The following DYM variants were observed in gnomAD, a reference collection of about 807,000 sequenced individuals.
DYM encodes dymeclin.
Under a neutral mutation model 93.1 loss-of-function variants are expected in DYM, and 78 were observed. The observed-to-expected ratio is 0.84, with a 90% CI of 0.70 to 1.01. DYM has a LOEUF of 1.01. DYM is among the 50% of genes least tolerant of loss of function. The pLI is 0.00. For missense variants in DYM, 789 were observed against 845.0 expected (o/e 0.93, Z 0.82); for synonymous variants, 321 against 319.7 (o/e 1.00, Z -0.04).
At chr18:49,162,655 C>T (rs1229785796) in intron 15 of DYM, among the ~76,000 whole-genome samples, 1 of 152,266 alleles carries the variant, frequency 6.6e-6, no homozygotes, top group East Asian at 1.9e-4. Flanking sequence ...ATAAACTCTT[C>T]GTCATTAAGG....
chr18:49,124,508 CAA>C (rs5824778), intron 15 of DYM, among the ~76,000 whole-genome samples: 477 of 131,730 alleles, frequency 3.6e-3, no homozygotes, highest in Middle Eastern at 7.6e-3. Flanking sequence ...GACCCTGTCT[CAA>C]AAAAAAAAAA....
At chr18:49,073,529 A>G (rs1007676296) in intron 17 of DYM, among the ~76,000 whole-genome samples, 4 of 152,220 alleles carry the variant, frequency 2.6e-5, no homozygotes, top group African/African-American at 9.7e-5. Flanking sequence ...CAGGCCCTCA[A>G]TTAGAAAAAA....
intron 11 of DYM, among the ~76,000 whole-genome samples, chr18:49,262,005 T>C (rs1191212274): frequency 6.6e-6 from 1 of 152,226 alleles, no homozygotes; most frequent in African/African-American, 2.4e-5. Flanking sequence ...TTAGAATGAA[T>C]GGTTTCCCCC....
chr18:49,251,830 T>C (rs1305548889), intron 13 of DYM, among the ~76,000 whole-genome samples: 5 of 152,240 alleles, frequency 3.3e-5, no homozygotes, highest in Admixed American at 6.5e-5. Flanking sequence ...ATCCTCTACA[T>C]TGTACTGTCT....
chr18:49,168,473 G>A (rs945459414), intron 14 of DYM, among the ~76,000 whole-genome samples: 3 of 152,172 alleles, frequency 2.0e-5, no homozygotes, highest in Non-Finnish European at 2.9e-5. Flanking sequence ...ACGGGAACAC[G>A]CTGAGAAAAT....
chr18:49,372,396 T>C (rs1338672301), intron 5 of DYM, among the ~76,000 whole-genome samples: 1 of 152,220 alleles, frequency 6.6e-6, no homozygotes, highest in Non-Finnish European at 1.5e-5. Flanking sequence ...TTAAAAGATA[T>C]TCATTGGACT....
At chr18:49,140,966 A>G (rs1715529167) in intron 15 of DYM, among the ~76,000 whole-genome samples, 1 of 152,152 alleles carries the variant, frequency 6.6e-6, no homozygotes, top group Non-Finnish European at 1.5e-5. Flanking sequence ...TCAATCTTCC[A>G]TGTATAGTTG....
At position 49,457,878 on chromosome 18, in the gene DYM, C is replaced by G. The variant is rs187389620; in HGVS notation, c.-54+2520G>C. ...AGAGACTTGAGGATGGAAGTATGAT[C>G]AGAGAGATGCAACACTGGTGGCTTT... On this transcript the variant is annotated intron_variant, in intron 1 of 17. Coordinates refer to ENST00000675505, the MANE Select transcript of DYM (RefSeq NM_001353214.3). Among the ~76,000 whole-genome samples, 196 of 152,282 alleles carry G rather than the reference C, an allele frequency of 1.3e-3. 2 individuals carry two copies. Among genetic ancestry groups the G allele is most frequent in the Non-Finnish European group, 1.1e-3 (77 of 68,016 alleles).
intron 11 of DYM, among the ~76,000 whole-genome samples, chr18:49,269,548 CAG>C (rs1221340939): frequency 6.6e-6 from 1 of 152,164 alleles, no homozygotes; most frequent in African/African-American, 2.4e-5. Context: ...CAGACACAGC[CAG>C]AGAGTCCGTC....
intron 14 of DYM, among the ~76,000 whole-genome samples, chr18:49,200,093 C>T (rs77827031): frequency 6.6e-6 from 1 of 151,992 alleles, no homozygotes; most frequent in Non-Finnish European, 1.5e-5. Context: ...TCCTGTAAAC[C>T]ACCGCAGTTC....
At chr18:49,044,328 G>T in intron 17 of DYM, 124 bp from the exon 18 acceptor site, 3 of 997,778 alleles carry the variant, frequency 3.0e-6, no homozygotes, top group South Asian at 1.3e-5. Flanking sequence ...TGGTCACAGG[G>T]CATGAAAGCT....
chr18:49,219,589 A>C (rs2093253333), intron 13 of DYM, among the ~76,000 whole-genome samples: 1 of 152,184 alleles, frequency 6.6e-6, no homozygotes, highest in Non-Finnish European at 1.5e-5. Flanking sequence ...CTAGGATGCA[A>C]GGCTGGTTCA....
At chr18:49,399,859 C>A (rs962333914) in intron 2 of DYM, among the ~76,000 whole-genome samples, 1 of 151,998 alleles carries the variant, frequency 6.6e-6, no homozygotes, top group African/African-American at 2.4e-5. Flanking sequence ...AGTCTCCAGC[C>A]CTCAAGGCAA....
chr18:49,088,550 TAA>T (rs200912955), intron 17 of DYM, among the ~76,000 whole-genome samples: 64 of 106,800 alleles, frequency 6.0e-4, no homozygotes, highest in Admixed American at 6.6e-4. Context: ...CCCTAGAACT[TAA>T]AAAAAAAAAA....
chr18:49,075,176 C>T (rs1168184143), intron 17 of DYM, among the ~76,000 whole-genome samples: 1 of 152,146 alleles, frequency 6.6e-6, no homozygotes, highest in Non-Finnish European at 1.5e-5. Context: ...CTAAGGACCT[C>T]AAGTACTTAT....
At chr18:49,336,774 A>G (rs111594396) in intron 6 of DYM, among the ~76,000 whole-genome samples, 13 of 152,214 alleles carry the variant, frequency 8.5e-5, no homozygotes, top group African/African-American at 2.7e-4. Context: ...GAAAAATCAA[A>G]TAATAATCAC....
chr18:49,196,034 C>T (rs865978987), intron 14 of DYM, among the ~76,000 whole-genome samples: 4 of 146,098 alleles, frequency 2.7e-5, no homozygotes, highest in African/African-American at 7.6e-5. Flanking sequence ...AGCGAATTCT[C>T]CTGCCTCAGC....
intron 2 of DYM, among the ~76,000 whole-genome samples, chr18:49,400,133 GT>G (rs2070646613): frequency 6.6e-6 from 1 of 151,540 alleles, no homozygotes; most frequent in African/African-American, 2.4e-5. Flanking sequence ...TAGAGACGAC[GT>G]TTCACCATGT....
At chr18:49,114,646 G>T in intron 16 of DYM, 1 of 902,436 alleles carries the variant, frequency 1.1e-6, no homozygotes, top group Non-Finnish European at 1.3e-6. Flanking sequence ...TGGTCTTTCA[G>T]AGACTTTTTT....
Sources: allele counts gnomAD v4.1 joint callset (sites outside exome capture counted in the v4.1 genomes callset), GRCh38; gene constraint gnomAD v4.1.1; transcripts MANE v1.5; gene names NCBI Gene and HGNC (gene_info 2026-07-23, HGNC 2026-07-21).